The following PLAA variants were observed in gnomAD, a reference collection of about 807,000 sequenced individuals.
PLAA encodes the protein phospholipase A2 activating protein, also known as phospholipase A-2-activating protein.
Under a neutral mutation model 84.1 loss-of-function variants are expected in PLAA, and 48 were observed. The ratio of observed to expected loss-of-function variants is 0.57; its 90% CI spans 0.45 to 0.73. The LOEUF is 0.73. Ranked by LOEUF, PLAA falls within the 30% of genes least tolerant of loss-of-function variation. The pLI, the probability that PLAA is intolerant of heterozygous loss-of-function variation, is 0.00. For missense variants in PLAA, 903 were observed against 954.7 expected, an observed-to-expected ratio of 0.95 and a Z score of 0.71; for synonymous variants, 392 against 336.6, an observed-to-expected ratio of 1.16 and a Z score of -1.80.
chr9:26,916,520 T>C lies in PLAA; in HGVS notation c.1486+577A>G. The C allele has an allele frequency of 4.1e-6, 4 of 986,244 alleles. No homozygotes were observed. In the South Asian group the frequency reaches 1.4e-4, roughly 35 times the overall value. The allele number at this position is 986,244 out of a possible 1,614,324, so 61.1% of individuals were successfully genotyped here. The stretch of plus-strand genomic sequence containing the variant: ...CATTAATAACTTAGATTAGGAAGAC[T>C]ACTCCTGGGTAGTTGGGTGGAATGT... On this transcript the variant is annotated intron_variant, in intron 10 of 13. Transcript: ENST00000397292.
chr9:26,947,236 C>G lies in PLAA; in HGVS notation c.-191G>C. 1 of 598,504 alleles carries G rather than the reference C, an allele frequency of 1.7e-6. No individual in the cohort carries two copies. Among genetic ancestry groups the G allele is most frequent in the Non-Finnish European group, 2.8e-6 (1 of 355,952 alleles). The allele number at this position is 598,504 out of a possible 1,614,324, so 37.1% of individuals were successfully genotyped here. A position where few individuals can be genotyped will look rare whatever the true frequency, so the allele number is the denominator to read the frequency against. Reference sequence around the variant, plus strand: ...GCGCCGAGCGGGCCGAGTGACACAGCAAGCCTGACAGGCACTCCGGAATTC... The same window carrying G: ...GCGCCGAGCGGGCCGAGTGACACAGGAAGCCTGACAGGCACTCCGGAATTC... On this transcript the variant is annotated 5_prime_UTR_variant, in exon 1 of 14. Transcript: ENST00000397292.
At chr9:26,945,595 T>C (rs1825668924) in intron 1 of PLAA, among the ~76,000 whole-genome samples, 1 of 152,198 alleles carries the variant, frequency 6.6e-6, no homozygotes, top group Non-Finnish European at 1.5e-5. Context: ...TTATCCCTTC[T>C]CAATCTATTC....
intron 11 of PLAA, among the ~76,000 whole-genome samples, chr9:26,912,573 A>T (rs1253843329): frequency 6.6e-6 from 1 of 152,202 alleles, no homozygotes; most frequent in East Asian, 1.9e-4. Flanking sequence ...CAATATACAC[A>T]CCATGCTGTT....
chr9:26,909,490 A>G (rs1480964676), intron 12 of PLAA, among the ~76,000 whole-genome samples: 1 of 152,214 alleles, frequency 6.6e-6, no homozygotes, highest in East Asian at 1.9e-4. Flanking sequence ...TTCTCATCAT[A>G]ATCTTTGTGG....
intron 1 of PLAA, among the ~76,000 whole-genome samples, chr9:26,939,387 CA>C (rs1336869072): frequency 7.6e-6 from 1 of 131,402 alleles, no homozygotes; most frequent in Admixed American, 8.4e-5. Context: ...AACTCCGTCT[CA>C]AAAAAAGATA....
chr9:26,927,713 T>C (rs1385593726), intron 4 of PLAA, among the ~76,000 whole-genome samples: 1 of 152,192 alleles, frequency 6.6e-6, no homozygotes, highest in Non-Finnish European at 1.5e-5. Context: ...CTAATAATGA[T>C]TTCTTCCATA....
chr9:26,915,980 ATTATG>A (rs1824541464), intron 10 of PLAA: 14 of 985,420 alleles, frequency 1.4e-5, no homozygotes, highest in Non-Finnish European at 1.7e-5. Context: ...TTGAAATCAC[ATTATG>A]TTATCAAAGA....
Position 26,917,839 on chromosome 9 carries a change from A to C in PLAA, c.1418-674T>G, listed in dbSNP as rs536295250. Among the ~76,000 whole-genome samples the C allele has an allele frequency of 8.5e-5, 13 of 152,320 alleles. No individual in the cohort carries two copies. The East Asian group carries it at 2.1e-3, about 25-fold the overall frequency. On this transcript the variant is annotated intron_variant, in intron 9 of 13. Transcript: ENST00000397292. ...AAACAAAAAACAAAAAACAGTAAGG[A>C]TGCTGAAAAAGTTAAGAGTCTCAGA...
chr9:26,933,760 G>A (rs1053110270), intron 2 of PLAA, among the ~76,000 whole-genome samples: 174 of 137,902 alleles, frequency 1.3e-3, no homozygotes, highest in African/African-American at 4.5e-3. Context: ...CTGCATTCCA[G>A]CCTGGGCGAC....
chr9:26,934,015 C>T (rs1031809186), intron 2 of PLAA, among the ~76,000 whole-genome samples: 2 of 152,014 alleles, frequency 1.3e-5, no homozygotes, highest in Admixed American at 1.3e-4. Flanking sequence ...TCCTATGTTG[C>T]TCAGGCTGGT....
At chr9:26,909,546 CAA>C (rs1469500288) in intron 12 of PLAA, among the ~76,000 whole-genome samples, 1 of 151,826 alleles carries the variant, frequency 6.6e-6, no homozygotes, top group Non-Finnish European at 1.5e-5. Flanking sequence ...ACAACAACAA[CAA>C]AACACTGTAT....
chr9:26,934,598 G>C (rs773655899), intron 2 of PLAA, among the ~76,000 whole-genome samples: 1 of 149,388 alleles, frequency 6.7e-6, no homozygotes, highest in African/African-American at 2.5e-5. Flanking sequence ...TCGTGCTTCA[G>C]CCTCCTGAGT....
At chr9:26,946,352 C>T (rs1825712605) in intron 1 of PLAA, among the ~76,000 whole-genome samples, 1 of 151,640 alleles carries the variant, frequency 6.6e-6, no homozygotes, top group Non-Finnish European at 1.5e-5. Context: ...ACAGCACATG[C>T]ACAGAAACAA....
At position 26,920,330 on chromosome 9, in the gene PLAA, T is replaced by C. The variant is rs570107266; in HGVS notation, c.1094A>G (p.Tyr365Cys). ...LIRDGEKVEAYQWSVSEGRWI... is the reference protein window; with the variant it reads ...LIRDGEKVEACQWSVSEGRWI... ...CCTCCCTTCACTAACACTCCACTGA[T>C]AGGCTTCGACTTTCTCCCCATCTCT... The change falls in exon 8 of 14, where the codon TAT becomes TGT. Residue 365 changes from tyrosine to cysteine, a missense_variant. By Grantham distance (194) the Tyr-to-Cys change is radical. Transcript: ENST00000397292. The C allele has an allele frequency of 1.4e-5, 22 of 1,613,570 alleles. No homozygotes were observed. In the South Asian group the frequency reaches 1.8e-4, roughly 13 times the overall value.
intron 9 of PLAA, 21 bp from the exon 10 acceptor site, chr9:26,917,186 A>T (rs1169285903): frequency 6.2e-7 from 1 of 1,610,368 alleles, no homozygotes; most frequent in East Asian, 2.2e-5. Context: ...AAAATAAAGA[A>T]AAGGCAGAAG....
intron 13 of PLAA, 140 bp from the exon 14 acceptor site, chr9:26,906,216 A>G (rs1824232251): frequency 1.9e-6 from 1 of 525,926 alleles, no homozygotes; most frequent in Admixed American, 3.7e-5. Flanking sequence ...GCTTTAAAAA[A>G]AATGCATATA....
chr9:26,909,500 G>A (rs934316789), intron 12 of PLAA, among the ~76,000 whole-genome samples: 9 of 151,936 alleles, frequency 5.9e-5, no homozygotes, highest in African/African-American at 2.2e-4. Context: ...AATCTTTGTG[G>A]CAAACAAAGC....
Position 26,905,770 on chromosome 9 carries a change from G to C in PLAA, c.2129C>G (p.Ser710Cys). Reference protein sequence around the residue: ...IALATLALNYSVCFHKDHNIE... With the variant: ...IALATLALNYCVCFHKDHNIE... ...GTTATGGTCTTTATGAAAACAAACA[G>C]AATAGTTCAGGGCCAATGTAGCCAG... Residue 710 changes from serine to cysteine, a missense_variant, in exon 14 of 14, where the codon TCT becomes TGT. Transcript: ENST00000397292. 4 of 1,614,146 alleles carry C rather than the reference G, an allele frequency of 2.5e-6. No individual in the cohort carries two copies. Among genetic ancestry groups the C allele is most frequent in the Non-Finnish European group, 3.4e-6 (4 of 1,180,004 alleles).
chr9:26,935,316 T>C lies in PLAA; in HGVS notation c.150-110A>G, dbSNP rs1825325044. On this transcript the variant is annotated intron_variant, in intron 1 of 13. Transcript: ENST00000397292. ...TAGTGTCTAGACAAACTTTAGAGTA[T>C]ATACTATCTTAAGAATCTATTGTTT... 8.6e-6 allele frequency: 5 copies of C among 583,326 alleles called. No homozygotes were observed. In the South Asian group the frequency reaches 1.6e-4, roughly 19 times the overall value. 36.1% of individuals were successfully genotyped at this position (583,326 alleles called of 1,614,324 possible). A position where few individuals can be genotyped will look rare whatever the true frequency, so the allele number is the denominator to read the frequency against.
Sources: allele counts gnomAD v4.1 joint callset (sites outside exome capture counted in the v4.1 genomes callset), GRCh38; gene constraint gnomAD v4.1.1; transcripts MANE v1.5; gene names NCBI Gene and HGNC (gene_info 2026-07-23, HGNC 2026-07-21).